Variants in TEX10 observed in about 807,000 individuals in gnomAD.
TEX10 encodes testis-expressed protein 10.
TEX10 carries 24 observed loss-of-function variants against 104.4 expected under a neutral mutation model. The ratio of observed to expected loss-of-function variants is 0.23; its 90% CI spans 0.17 to 0.32. The LOEUF (loss-of-function observed/expected upper bound fraction) is 0.32, where lower values mean the gene tolerates loss of function less well. Ranked by LOEUF, TEX10 falls within the 10% of genes least tolerant of loss-of-function variation. TEX10 has a pLI of 1.00. For missense variants in TEX10, 921 were observed against 1,083.9 expected (o/e 0.85, Z 2.11); for synonymous variants, 396 against 393.4 (o/e 1.01, Z -0.08).
At position 100,352,806 on chromosome 9, in the gene TEX10, G is replaced by A. The variant is rs1011528089; in HGVS notation, c.-44C>T. The A allele has an allele frequency of 2.8e-6, 3 of 1,056,158 alleles. No individual in the cohort carries two copies. Among genetic ancestry groups the A allele is most frequent in the South Asian group, 3.9e-5 (1 of 25,588 alleles). The allele number at this position is 1,056,158 out of a possible 1,614,324, so 65.4% of individuals were successfully genotyped here. ...CGGCCGCGGCCGGGGCGAGAAGCCCGAGAAGACAAGCGAGGGAGCAGAAGC... is the reference window on the plus strand; with the variant it reads ...CGGCCGCGGCCGGGGCGAGAAGCCCAAGAAGACAAGCGAGGGAGCAGAAGC... On this transcript the variant is annotated 5_prime_UTR_variant, in exon 1 of 15. Coordinates refer to ENST00000374902, the MANE Select transcript of TEX10 (RefSeq NM_017746.4).
chr9:100,306,135 A>C (rs2118824783), intron 13 of TEX10: 2 of 152,338 alleles, frequency 1.3e-5, no homozygotes, highest in Middle Eastern at 3.4e-3. Context: ...ATAAAATCTC[A>C]GTAGGAGGAT....
intron 4 of TEX10, among the ~76,000 whole-genome samples, chr9:100,345,499 A>T (rs1022616239): frequency 3.3e-5 from 5 of 152,238 alleles, no homozygotes; most frequent in African/African-American, 1.2e-4. Flanking sequence ...TTGCTTCTGT[A>T]GCTACCCTTT....
chr9:100,326,229 C>T (rs910454164), intron 9 of TEX10, 73 bp downstream of exon 9: 7 of 1,501,332 alleles, frequency 4.7e-6, no homozygotes, highest in South Asian at 3.9e-5. Context: ...AAAAGGCTTC[C>T]GTAATTCACA....
chr9:100,325,315 CAT>C (rs745727480), intron 9 of TEX10, among the ~76,000 whole-genome samples: 4 of 152,188 alleles, frequency 2.6e-5, no homozygotes, highest in African/African-American at 9.7e-5. Flanking sequence ...AAGATATATA[CAT>C]GAGGATACTT....
At chr9:100,339,245 CAAAAAAAAAAAAAA>C (rs1182764934) in intron 5 of TEX10, among the ~76,000 whole-genome samples, 8 of 29,414 alleles carry the variant, frequency 2.7e-4, no homozygotes, top group South Asian at 4.3e-3. Flanking sequence ...GACTCCATCT[CAAAAAAAAAAAAAA>C]AAAAAAAAAA....
chr9:100,318,973 C>A (rs1834494908), intron 11 of TEX10, among the ~76,000 whole-genome samples: 1 of 151,964 alleles, frequency 6.6e-6, no homozygotes, highest in South Asian at 2.1e-4. Flanking sequence ...GGGAGGATCA[C>A]CTGAGGTTAG....
chr9:100,328,080 A>G, intron 7 of TEX10, 118 bp from the exon 8 acceptor site: 2 of 694,380 alleles, frequency 2.9e-6, no homozygotes, highest in Admixed American at 3.7e-5. Flanking sequence ...TTATGTATCA[A>G]TAATACCACA....
chr9:100,303,604 G>A, intron 14 of TEX10, 28 bp downstream of exon 14: 1 of 1,610,562 alleles, frequency 6.2e-7, no homozygotes, highest in Non-Finnish European at 8.5e-7. Flanking sequence ...TGCTAATACT[G>A]CAAAGCCTCC....
intron 13 of TEX10, chr9:100,306,299 A>G (rs143504208): frequency 1.3e-5 from 2 of 152,212 alleles, no homozygotes; most frequent in African/African-American, 4.8e-5. Context: ...AAGAAAAAAA[A>G]CTGAATCTTC....
chr9:100,347,922 G>A (rs905075010), intron 2 of TEX10, among the ~76,000 whole-genome samples: 5 of 150,978 alleles, frequency 3.3e-5, no homozygotes, highest in African/African-American at 9.8e-5. Context: ...AGCAAAACTC[G>A]AAAAATGTAT....
rs1835473574 is a variant in TEX10, at chr9:100,352,297, A to G, written c.-10+475T>C. 3 of 1,503,790 alleles carry G rather than the reference A, an allele frequency of 2.0e-6. No individual in the cohort carries two copies. The Admixed American group carries it at 5.9e-5, about 30-fold the overall frequency. The allele number at this position is 1,503,790 out of a possible 1,614,324, so 93.2% of individuals were successfully genotyped here. ...GGCCCAGGCAGGGGCGACCCCAGAA[A>G]ACTGGTAGTCCCCTTCCGCTCGCTT... On this transcript the variant is annotated intron_variant, in intron 1 of 14. Transcript: ENST00000374902.
chr9:100,320,428 A>AAAAAAAC (rs777766835), intron 10 of TEX10, 30 bp from the exon 11 acceptor site: 22 of 1,555,930 alleles, frequency 1.4e-5, no homozygotes, highest in South Asian at 4.9e-5. Flanking sequence ...AAGCCAATTT[A>AAAAAAAC]AAAAAACAAA....
chr9:100,346,074 A>G lies in TEX10; in HGVS notation c.1135T>C (p.Leu379=), dbSNP rs567096761. ...AATAAAGAACCATTAGTTCTCACCA[A>G]TTTATGGGTTTCATCCTGTTGTTTA... The part of the protein sequence containing the change: ...LSKQQDETHK[L]ESWLRKNYLI... Residue 379 remains leucine, a splice_region_variant and synonymous_variant, in exon 4 of 15, where the codon TTG becomes CTG. Transcript: ENST00000374902. 1 of 1,610,450 alleles carries G rather than the reference A, an allele frequency of 6.2e-7. No individual in the cohort carries two copies. Among genetic ancestry groups the G allele is most frequent in the South Asian group, 1.1e-5 (1 of 90,386 alleles).
At chr9:100,324,898 C>A (rs1834663743) in intron 9 of TEX10, among the ~76,000 whole-genome samples, 2 of 151,976 alleles carry the variant, frequency 1.3e-5, no homozygotes, top group African/African-American at 2.4e-5. Context: ...TTACACAAAA[C>A]AAAGTGCAGT....
rs192182426 is a variant in TEX10, at chr9:100,323,905, A to G, written c.1980-2134T>C. Among the ~76,000 whole-genome samples the G allele has an allele frequency of 1.1e-3, 164 of 152,336 alleles. 1 individual carries two copies. The highest frequency in any genetic ancestry group is 5.9e-4 in the Non-Finnish European group (40 of 68,024). ...AGGATGCATAGGACTGAGAAGCAAC[A>G]TTGTAAGAGTATAAGTGGGAAATAA... On this transcript the variant is annotated intron_variant, in intron 9 of 14. Transcript: ENST00000374902.
At chr9:100,318,589 T>C (rs563460109) in intron 11 of TEX10, among the ~76,000 whole-genome samples, 1 of 152,248 alleles carries the variant, frequency 6.6e-6, no homozygotes, top group African/African-American at 2.4e-5. Context: ...AAAACTGCAT[T>C]TGTACCCCTA....
chr9:100,318,983 G>A (rs1315861569), intron 11 of TEX10, among the ~76,000 whole-genome samples: 1 of 151,886 alleles, frequency 6.6e-6, no homozygotes, highest in East Asian at 1.9e-4. Flanking sequence ...CCTGAGGTTA[G>A]GAATTCAAGA....
At chr9:100,338,890 CA>C (rs892027304) in intron 5 of TEX10, among the ~76,000 whole-genome samples, 1 of 150,376 alleles carries the variant, frequency 6.6e-6, no homozygotes, top group Non-Finnish European at 1.5e-5. Context: ...GACTCTGTCT[CA>C]AAAAAAAATC....
Position 100,352,396 on chromosome 9 carries a change from A to C in TEX10, c.-10+376T>G, listed in dbSNP as rs1319400029. ...ATCCCCACTCCGTATTCGGTCCTGCATCCATCCCAGAGGCGAACACACCAT... is the reference window on the plus strand; with the variant it reads ...ATCCCCACTCCGTATTCGGTCCTGCCTCCATCCCAGAGGCGAACACACCAT... On this transcript the variant is annotated intron_variant, in intron 1 of 14. Coordinates refer to ENST00000374902, the MANE Select transcript of TEX10 (RefSeq NM_017746.4). 4.5e-6 allele frequency: 7 copies of C among 1,551,616 alleles called. No individual in the cohort carries two copies. The East Asian group carries it at 1.7e-4, about 38-fold the overall frequency.
Sources: gnomAD v4.1 joint callset for allele counts (sites outside exome capture counted in the v4.1 genomes callset) on GRCh38, gnomAD v4.1.1 for gene constraint, MANE v1.5 for transcripts, NCBI Gene and HGNC (gene_info 2026-07-23, HGNC 2026-07-21) for gene names.